The following IPO11 variants were observed in gnomAD, a reference collection of about 807,000 sequenced individuals.
The protein encoded by IPO11 is importin-11.
Under a neutral mutation model 143.2 loss-of-function variants are expected in IPO11, and 66 were observed. The ratio of observed to expected loss-of-function variants is 0.46; its 90% CI spans 0.38 to 0.57. The LOEUF is 0.57. IPO11 is among the 20% of genes least tolerant of loss of function. The pLI is 0.00. For synonymous variants in IPO11, 385 were observed against 377.8 expected (o/e 1.02, Z -0.22); for missense variants, 1,026 against 1,141.0 (o/e 0.90, Z 1.45).
At chr5:62,591,543 C>T in intron 27 of IPO11, 34 bp from the exon 28 acceptor site, 2 of 1,210,450 alleles carry the variant, frequency 1.7e-6, no homozygotes, top group Non-Finnish European at 1.2e-6. Context: ...ATCTAGTATT[C>T]CAGTTAACCT....
chr5:62,520,933 T>C (rs1042166563), intron 20 of IPO11, among the ~76,000 whole-genome samples: 2 of 152,242 alleles, frequency 1.3e-5, no homozygotes, highest in Non-Finnish European at 2.9e-5. Context: ...TGCCACACTG[T>C]CTTCCACAAT....
At chr5:62,457,137 T>C (rs1176689642) in intron 5 of IPO11, among the ~76,000 whole-genome samples, 1 of 152,116 alleles carries the variant, frequency 6.6e-6, no homozygotes, top group African/African-American at 2.4e-5. Flanking sequence ...TGCATTGTTA[T>C]TATGGTCATG....
intron 29 of IPO11, 144 bp downstream of exon 29, chr5:62,601,992 C>T: frequency 4.1e-6 from 2 of 484,894 alleles, no homozygotes; most frequent in African/African-American, 2.0e-5. Flanking sequence ...AAGGTGTACC[C>T]TAAAACAGAT....
Position 62,475,521 on chromosome 5 carries a change from A to C in IPO11, c.757+1057A>C, listed in dbSNP as rs533599235. ...ACAAACCCCATCTCAAGAAAAAAAA[A>C]TTCTATTTTGTGTTCATTCCTCTTT... On this transcript the variant is annotated intron_variant, in intron 8 of 29. Transcript: ENST00000325324. Among the ~76,000 whole-genome samples, 11 of 152,276 alleles carry C rather than the reference A, an allele frequency of 7.2e-5. No individual in the cohort carries two copies. The South Asian group carries it at 2.3e-3, about 32-fold the overall frequency.
chr5:62,458,545 C>A (rs1160696555), intron 5 of IPO11, among the ~76,000 whole-genome samples: 1 of 152,190 alleles, frequency 6.6e-6, no homozygotes, highest in Non-Finnish European at 1.5e-5. Context: ...AAATGATCTG[C>A]CCGCCTTGAC....
intron 3 of IPO11, 63 bp from the exon 4 acceptor site, chr5:62,449,864 C>T: frequency 9.7e-7 from 1 of 1,034,908 alleles, no homozygotes; most frequent in Non-Finnish European, 1.4e-6. Context: ...TACAGTAATG[C>T]TTACCTACAT....
At position 62,436,490 on chromosome 5, in the gene IPO11, T is replaced by C. The variant is rs148708370; in HGVS notation, c.-6-784T>C. Reference sequence around the variant, plus strand: ...TTAATCCTTATATTTTGTACGTGTATATTGTGAATAACTATACATACTTGC... The same window carrying C: ...TTAATCCTTATATTTTGTACGTGTACATTGTGAATAACTATACATACTTGC... On this transcript the variant is annotated intron_variant, in intron 1 of 29. Transcript: ENST00000325324. Among the ~76,000 whole-genome samples, 945 of 152,338 alleles carry C rather than the reference T, an allele frequency of 6.2e-3. 4 individuals carry two copies. The highest frequency in any genetic ancestry group is 0.024 in the Middle Eastern group (7 of 294).
At chr5:62,555,928 G>A (rs570380176) in intron 26 of IPO11, among the ~76,000 whole-genome samples, 1 of 152,096 alleles carries the variant, frequency 6.6e-6, no homozygotes, top group African/African-American at 2.4e-5. Flanking sequence ...GGAATTACTG[G>A]CATAAGCCAC....
chr5:62,487,883 A>C lies in IPO11; in HGVS notation c.1309+22A>C, dbSNP rs138018787. On this transcript the variant is annotated intron_variant, in intron 13 of 29. Coordinates refer to ENST00000325324, the MANE Select transcript of IPO11 (RefSeq NM_016338.5). ...CAAGGTAAGGCATATTTTGTGATTA[A>C]CTTTGAGTTAATCTCTTTAACGTTT... The C allele has an allele frequency of 6.3e-3, 9,982 of 1,591,592 alleles. 42 individuals carry two copies. The highest frequency in any genetic ancestry group is 7.6e-3 in the Non-Finnish European group (8,861 of 1,166,082).
At chr5:62,488,003 AT>A in intron 13 of IPO11, 142 bp downstream of exon 13, 1 of 667,520 alleles carries the variant, frequency 1.5e-6, no homozygotes, top group Non-Finnish European at 2.3e-6. Context: ...TTTAAAACTT[AT>A]TATCTTCCAA....
At chr5:62,548,265 T>G (rs1197683139) in intron 24 of IPO11, among the ~76,000 whole-genome samples, 1 of 152,178 alleles carries the variant, frequency 6.6e-6, no homozygotes, top group Non-Finnish European at 1.5e-5. Context: ...TTTTTTTATG[T>G]TCACTAAACT....
intron 1 of IPO11, among the ~76,000 whole-genome samples, chr5:62,425,880 T>G (rs1743720565): frequency 6.6e-6 from 1 of 152,254 alleles, no homozygotes; most frequent in Admixed American, 6.5e-5. Flanking sequence ...TTTCCAAGAC[T>G]GTTTAAGTAT....
chr5:62,628,572 A>G lies in IPO11; in HGVS notation c.*1254A>G, dbSNP rs1746662863. ...AATATGGTCCAAATTAAATTTTCCA[A>G]AGATACCTCACCTTGGACTGATTTG... On this transcript the variant is annotated 3_prime_UTR_variant, in exon 30 of 30. Coordinates refer to ENST00000325324, the MANE Select transcript of IPO11 (RefSeq NM_016338.5). 1.3e-5 allele frequency: 2 copies of G among 152,612 alleles called. No individual in the cohort carries two copies. Among genetic ancestry groups the G allele is most frequent in the South Asian group, 4.1e-4 (2 of 4,830 alleles). 9.5% of individuals were successfully genotyped at this position (152,612 alleles called of 1,614,324 possible).
intron 1 of IPO11, among the ~76,000 whole-genome samples, chr5:62,430,846 T>A (rs928282961): frequency 3.3e-5 from 5 of 151,248 alleles, no homozygotes; most frequent in Non-Finnish European, 7.4e-5. Context: ...TCTGGCTAAT[T>A]TTTTGAATTT....
chr5:62,563,450 A>G (rs1743837935), intron 27 of IPO11, among the ~76,000 whole-genome samples: 1 of 152,190 alleles, frequency 6.6e-6, no homozygotes, highest in Admixed American at 6.5e-5. Context: ...TTTAATGAGA[A>G]TACTGTTTGC....
At chr5:62,580,988 G>C (rs978878827) in intron 27 of IPO11, 8 of 1,551,052 alleles carry the variant, frequency 5.2e-6, no homozygotes, top group Non-Finnish European at 7.0e-6. Flanking sequence ...TCTCTAATTT[G>C]TACACAAGAA....
chr5:62,494,164 G>A, intron 16 of IPO11, 40 bp downstream of exon 16: 1 of 1,562,030 alleles, frequency 6.4e-7, no homozygotes, highest in Non-Finnish European at 8.7e-7. Context: ...AGTTTTTAAA[G>A]TTTCATCTGT....
intron 20 of IPO11, among the ~76,000 whole-genome samples, chr5:62,516,575 T>C (rs1342782571): frequency 6.6e-6 from 1 of 152,188 alleles, no homozygotes; most frequent in Non-Finnish European, 1.5e-5. Context: ...ATTACAGGCA[T>C]GAGCCACCAT....
At chr5:62,594,984 A>G (rs575155387) in intron 28 of IPO11, among the ~76,000 whole-genome samples, 2 of 152,222 alleles carry the variant, frequency 1.3e-5, no homozygotes, top group Non-Finnish European at 2.9e-5. Flanking sequence ...CCGGAGGGAC[A>G]TGATCAGATT....
Sources: allele counts gnomAD v4.1 joint callset (sites outside exome capture counted in the v4.1 genomes callset), GRCh38; gene constraint gnomAD v4.1.1; transcripts MANE v1.5; gene names NCBI Gene and HGNC (gene_info 2026-07-23, HGNC 2026-07-21).